The following SYN2 variants were observed in gnomAD, a reference collection of about 807,000 sequenced individuals.
SYN2 encodes synapsin II, also known as synapsin-2.
Under a neutral mutation model 50.9 loss-of-function variants are expected in SYN2, and 19 were observed. That is an observed-to-expected ratio of 0.37 (90% confidence interval 0.26 to 0.55). The LOEUF (loss-of-function observed/expected upper bound fraction) is 0.55, where lower values mean the gene tolerates loss of function less well. Ranked by LOEUF, SYN2 falls within the 20% of genes least tolerant of loss-of-function variation. The pLI is 0.81. For missense variants in SYN2, 587 were observed against 576.4 expected (o/e 1.02, Z -0.19); for synonymous variants, 255 against 224.9 (o/e 1.13, Z -1.20).
rs547452024 is a variant in SYN2 at position 12,049,773 on chromosome 3, G to T, written c.377+44845G>T. Among the ~76,000 whole-genome samples, 5 of 152,228 alleles carry T rather than the reference G, an allele frequency of 3.3e-5. No individual in the cohort carries two copies. In the East Asian group the frequency reaches 9.7e-4, roughly 29 times the overall value. On this transcript the variant is annotated intron_variant, in intron 1 of 12. Transcript: ENST00000621198. ...ATCCACTGGACGATACATTATGTTT[G>T]TGCCACATCTGCCTGGGTGGTTGAC...
chr3:12,006,421 C>G (rs1364897740), intron 1 of SYN2, among the ~76,000 whole-genome samples: 1 of 152,168 alleles, frequency 6.6e-6, no homozygotes, highest in Non-Finnish European at 1.5e-5. Context: ...CAGTTCATAT[C>G]AACAAGTGCT....
intron 10 of SYN2, among the ~76,000 whole-genome samples, chr3:12,176,420 G>A (rs1232210196): frequency 6.6e-6 from 1 of 152,234 alleles, no homozygotes; most frequent in Non-Finnish European, 1.5e-5. Context: ...ACACTGACGG[G>A]CTGAGGTGGG....
intron 10 of SYN2, among the ~76,000 whole-genome samples, chr3:12,173,382 C>T (rs951525262): frequency 6.6e-6 from 1 of 152,230 alleles, no homozygotes; most frequent in African/African-American, 2.4e-5. Flanking sequence ...CATCCACCCA[C>T]TTATCTGCAC....
At chr3:12,091,052 C>T (rs1414724323) in intron 1 of SYN2, among the ~76,000 whole-genome samples, 3 of 152,092 alleles carry the variant, frequency 2.0e-5, no homozygotes, top group African/African-American at 4.8e-5. Context: ...TATCTCTTCC[C>T]CTCATAATCT....
chr3:12,133,651 C>G (rs573550951), intron 1 of SYN2, among the ~76,000 whole-genome samples: 1 of 152,348 alleles, frequency 6.6e-6, no homozygotes, highest in African/African-American at 2.4e-5. Context: ...AATTACTACA[C>G]TGGCTTCTGA....
chr3:12,163,455 C>T (rs1697706573), intron 7 of SYN2, among the ~76,000 whole-genome samples: 1 of 151,338 alleles, frequency 6.6e-6, no homozygotes, highest in Non-Finnish European at 1.5e-5. Context: ...GTGAGTTAGG[C>T]CCCCTCCCTG....
intron 12 of SYN2, 54 bp from the exon 13 acceptor site, chr3:12,190,436 C>A: frequency 6.2e-7 from 1 of 1,604,742 alleles, no homozygotes; most frequent in Non-Finnish European, 8.5e-7. Flanking sequence ...CCGTCCTTCC[C>A]TGCCTTGCTG....
intron 1 of SYN2, among the ~76,000 whole-genome samples, chr3:12,048,053 G>C (rs898735987): frequency 6.6e-6 from 1 of 152,074 alleles, no homozygotes; most frequent in African/African-American, 2.4e-5. Context: ...CCCATTGTTT[G>C]TTTCTAGGGT....
chr3:12,077,315 A>C (rs1297725703), intron 1 of SYN2, among the ~76,000 whole-genome samples: 1 of 151,994 alleles, frequency 6.6e-6, no homozygotes, highest in Non-Finnish European at 1.5e-5. Context: ...TTTTAAAAAA[A>C]AATTATTTTT....
At position 12,168,399 on chromosome 3, in the gene SYN2, G is replaced by C. The variant is rs750461121; in HGVS notation, c.1079G>C (p.Cys360Ser). ...SDRYKLWVDT[C>S]SEMFGGLDIC... ...AGGTACAAACTGTGGGTGGACACCT[G>C]CTCTGAGATGTTTGGCGGCCTGGAC... is the stretch of plus-strand genomic sequence containing the variant. Residue 360 changes from cysteine to serine, a missense_variant, in exon 9 of 13, where the codon TGC becomes TCC. Transcript: ENST00000621198. 8.7e-6 allele frequency: 14 copies of C among 1,613,730 alleles called. No individual in the cohort carries two copies. The highest frequency in any genetic ancestry group is 1.1e-5 in the Non-Finnish European group (13 of 1,179,880).
intron 1 of SYN2, among the ~76,000 whole-genome samples, chr3:12,047,467 C>G (rs1432088931): frequency 6.6e-6 from 1 of 152,168 alleles, no homozygotes; most frequent in Non-Finnish European, 1.5e-5. Flanking sequence ...TTTGACCAGA[C>G]AAACTCATGA....
chr3:12,013,776 A>G (rs1559385782), intron 1 of SYN2, among the ~76,000 whole-genome samples: 2 of 152,176 alleles, frequency 1.3e-5, no homozygotes, highest in Admixed American at 6.5e-5. Context: ...GGAGCTTCTT[A>G]CATCCTATAG....
chr3:12,175,517 T>A (rs1167362689), intron 10 of SYN2, among the ~76,000 whole-genome samples: 1 of 152,214 alleles, frequency 6.6e-6, no homozygotes. Context: ...TGAAAGAGCT[T>A]CTGGTCTGAG....
intron 10 of SYN2, among the ~76,000 whole-genome samples, chr3:12,171,905 T>C (rs912543376): frequency 3.9e-5 from 6 of 152,218 alleles, no homozygotes; most frequent in Non-Finnish European, 7.3e-5. Flanking sequence ...AGCCCCTTAT[T>C]TTATAAACAT....
At position 12,004,844 on chromosome 3, in the gene SYN2, G is replaced by A; in HGVS notation, c.293G>A (p.Gly98Asp). The change falls in exon 1 of 13, where the codon GGC becomes GAC. Residue 98 changes from glycine to aspartate, a missense_variant. Coordinates refer to ENST00000621198, the MANE Select transcript of SYN2 (RefSeq NM_133625.6). ...GTGAAGCAGACGGCCGCCTCGGCTG[G>A]CCTGGTGGACGCGCCCGCTCCCGCG... ...QAVKQTAASA[G>D]LVDAPAPAPA... 2 of 538,584 alleles carry A rather than the reference G, an allele frequency of 3.7e-6. No individual in the cohort carries two copies. Among genetic ancestry groups the A allele is most frequent in the Non-Finnish European group, 6.6e-6 (2 of 304,430 alleles). 33.4% of individuals were successfully genotyped at this position (538,584 alleles called of 1,614,324 possible). A position where few individuals can be genotyped will look rare whatever the true frequency, so the allele number is the denominator to read the frequency against.
intron 1 of SYN2, among the ~76,000 whole-genome samples, chr3:12,054,215 CTCTA>C (rs1244379016): frequency 6.6e-6 from 1 of 152,178 alleles, no homozygotes; most frequent in Non-Finnish European, 1.5e-5. Context: ...GGGAAAGGGG[CTCTA>C]TCTGTTGATT....
chr3:12,173,048 T>C (rs1223000109), intron 10 of SYN2, among the ~76,000 whole-genome samples: 1 of 152,202 alleles, frequency 6.6e-6, no homozygotes, highest in South Asian at 2.1e-4. Context: ...ATTTATATTC[T>C]AAATTGAAAT....
chr3:12,050,917 A>G (rs1380555240), intron 1 of SYN2, among the ~76,000 whole-genome samples: 4 of 148,610 alleles, frequency 2.7e-5, no homozygotes, highest in African/African-American at 9.9e-5. Flanking sequence ...TTGTATTTTT[A>G]GTAGAGACGG....
chr3:12,181,151 C>T (rs895173613), intron 10 of SYN2, among the ~76,000 whole-genome samples: 1 of 152,178 alleles, frequency 6.6e-6, no homozygotes, highest in Non-Finnish European at 1.5e-5. Flanking sequence ...GCTTTTGTGC[C>T]CACTGGCCCT....
Sources: allele counts gnomAD v4.1 joint callset (sites outside exome capture counted in the v4.1 genomes callset), GRCh38; gene constraint gnomAD v4.1.1; transcripts MANE v1.5; gene names NCBI Gene and HGNC (gene_info 2026-07-23, HGNC 2026-07-21).